NFIA: variants seen among roughly 807,000 people sequenced by gnomAD.
NFIA encodes nuclear factor 1 A-type.
Under a neutral mutation model 62.8 loss-of-function variants are expected in NFIA, and 8 were observed. The ratio of observed to expected loss-of-function variants is 0.13; its 90% CI spans 0.07 to 0.23. The LOEUF is 0.23. Ranked by LOEUF, NFIA falls within the 10% of genes least tolerant of loss-of-function variation. The pLI, the probability that NFIA is intolerant of heterozygous loss-of-function variation, is 1.00. For missense variants in NFIA, 410 were observed against 642.1 expected, an observed-to-expected ratio of 0.64 and a Z score of 3.91; for synonymous variants, 235 against 238.1, an observed-to-expected ratio of 0.99 and a Z score of 0.12.
At chr1:61,349,934 T>G (rs2100425797) in intron 4 of NFIA, among the ~76,000 whole-genome samples, 1 of 152,140 alleles carries the variant, frequency 6.6e-6, no homozygotes, top group South Asian at 2.1e-4. Flanking sequence ...CTGAATAACT[T>G]ACATCAGGCT....
chr1:61,322,662 A>C (rs557890818), intron 3 of NFIA, among the ~76,000 whole-genome samples: 2 of 149,198 alleles, frequency 1.3e-5, no homozygotes, highest in South Asian at 4.2e-4. Flanking sequence ...AACCACGTAT[A>C]TGTGTGACAA....
intron 2 of NFIA, among the ~76,000 whole-genome samples, chr1:61,103,262 G>A (rs1022176426): frequency 3.3e-5 from 5 of 152,090 alleles, no homozygotes; most frequent in Non-Finnish European, 7.4e-5. Flanking sequence ...GTATATGCAC[G>A]CATATTTTTG....
At chr1:61,301,461 G>A (rs1659491466) in intron 3 of NFIA, among the ~76,000 whole-genome samples, 2 of 152,154 alleles carry the variant, frequency 1.3e-5, no homozygotes, top group Admixed American at 1.3e-4. Flanking sequence ...CTGAGCCACA[G>A]ACAGTTCCCA....
At chr1:61,274,306 A>G (rs1304151915) in intron 2 of NFIA, among the ~76,000 whole-genome samples, 4 of 152,222 alleles carry the variant, frequency 2.6e-5, no homozygotes, top group Non-Finnish European at 5.9e-5. Context: ...ATCCAAAGAA[A>G]CATTGCTTTT....
chr1:61,181,431 A>G (rs12091215), intron 2 of NFIA, among the ~76,000 whole-genome samples: 23,562 of 152,258 alleles, frequency 0.15, 2,894 homozygotes, highest in African/African-American at 0.32. Context: ...AGCTTTAAAA[A>G]GAATATTTAC....
At chr1:61,215,906 A>G (rs1410041378) in intron 2 of NFIA, among the ~76,000 whole-genome samples, 3 of 152,230 alleles carry the variant, frequency 2.0e-5, no homozygotes, top group African/African-American at 4.8e-5. Flanking sequence ...AGTTTAGCGC[A>G]TGCGGTCAGC....
intron 10 of NFIA, among the ~76,000 whole-genome samples, chr1:61,438,990 T>C (rs1417063749): frequency 1.6e-5 from 2 of 127,476 alleles, no homozygotes; most frequent in African/African-American, 6.1e-5. Context: ...ATTCCTAACA[T>C]GCATGCAGAC....
At chr1:61,173,726 C>T (rs1401408733) in intron 2 of NFIA, among the ~76,000 whole-genome samples, 3 of 152,100 alleles carry the variant, frequency 2.0e-5, no homozygotes, top group African/African-American at 7.2e-5. Context: ...CCTCTCTGGC[C>T]AGGGCTCTGA....
At chr1:61,094,059 G>T (rs977133814) in intron 2 of NFIA, among the ~76,000 whole-genome samples, 3 of 152,170 alleles carry the variant, frequency 2.0e-5, no homozygotes, top group African/African-American at 7.2e-5. Flanking sequence ...ATAGATTTTT[G>T]AAACCAATTT....
chr1:61,095,329 A>G (rs1217193857), intron 2 of NFIA, among the ~76,000 whole-genome samples: 1 of 152,202 alleles, frequency 6.6e-6, no homozygotes, highest in Non-Finnish European at 1.5e-5. Flanking sequence ...TAGCAGTATT[A>G]TGAATTAGTA....
At chr1:61,217,557 T>C (rs902630723) in intron 2 of NFIA, among the ~76,000 whole-genome samples, 1 of 152,130 alleles carries the variant, frequency 6.6e-6, no homozygotes, top group Non-Finnish European at 1.5e-5. Context: ...TAATAATCCA[T>C]AGCAGAGCTG....
At chr1:61,161,386 C>A (rs1280154599) in intron 2 of NFIA, among the ~76,000 whole-genome samples, 1 of 152,188 alleles carries the variant, frequency 6.6e-6, no homozygotes, top group Non-Finnish European at 1.5e-5. Flanking sequence ...AACTTCTGTT[C>A]TAGACACAAG....
intron 2 of NFIA, among the ~76,000 whole-genome samples, chr1:61,210,769 C>T (rs1361738568): frequency 1.3e-5 from 2 of 152,200 alleles, no homozygotes; most frequent in Non-Finnish European, 2.9e-5. Context: ...TCAAACCTGC[C>T]AGTCTCATCT....
rs949187086 is a variant in NFIA, at chr1:61,321,935, C to T, written c.626-10577C>T. Reference sequence around the variant, plus strand: ...ACATTTAGTTTAATTAAATGCTACCCTTCCTTTATTAACTGCAGGAATTGG... The same window carrying T: ...ACATTTAGTTTAATTAAATGCTACCTTTCCTTTATTAACTGCAGGAATTGG... On this transcript the variant is annotated intron_variant, in intron 3 of 10. Coordinates refer to ENST00000403491, the MANE Select transcript of NFIA (RefSeq NM_001134673.4). Among the ~76,000 whole-genome samples the T allele has an allele frequency of 5.9e-5, 9 of 152,118 alleles. No homozygotes were observed. In the East Asian group the frequency reaches 1.3e-3, roughly 23 times the overall value.
chr1:61,242,254 C>T (rs1655392388), intron 2 of NFIA, among the ~76,000 whole-genome samples: 1 of 152,104 alleles, frequency 6.6e-6, no homozygotes, highest in Admixed American at 6.6e-5. Flanking sequence ...CTCCAGGCTA[C>T]ACAGGAGACA....
intron 2 of NFIA, among the ~76,000 whole-genome samples, chr1:61,128,495 G>A (rs527842715): frequency 3.4e-4 from 51 of 152,122 alleles, no homozygotes; most frequent in African/African-American, 1.2e-3. Flanking sequence ...CTATTAATAC[G>A]TGGGAGGCTG....
intron 1 of NFIA, among the ~76,000 whole-genome samples, chr1:61,087,672 A>G (rs969177077): frequency 4.6e-5 from 7 of 152,216 alleles, no homozygotes; most frequent in Non-Finnish European, 7.3e-5. Flanking sequence ...TTTTGCTCCT[A>G]GACTTCCATA....
chr1:61,103,744 G>A (rs948316624), intron 2 of NFIA, among the ~76,000 whole-genome samples: 3 of 152,108 alleles, frequency 2.0e-5, no homozygotes, highest in African/African-American at 7.2e-5. Flanking sequence ...CCTTAGGACT[G>A]AATTTAAGCC....
intron 2 of NFIA, among the ~76,000 whole-genome samples, chr1:61,115,539 A>G (rs1216807066): frequency 1.3e-5 from 2 of 152,262 alleles, no homozygotes; most frequent in African/African-American, 2.4e-5. Context: ...AGGGCCTCGA[A>G]GGTTGGCAAG....
Sources: gnomAD v4.1 joint callset for allele counts (sites outside exome capture counted in the v4.1 genomes callset) on GRCh38, gnomAD v4.1.1 for gene constraint, MANE v1.5 for transcripts, NCBI Gene and HGNC (gene_info 2026-07-23, HGNC 2026-07-21) for gene names.